The following FYTTD1 variants were observed in gnomAD, a reference collection of about 807,000 sequenced individuals.
FYTTD1 encodes the protein forty-two-three domain containing 1, also known as UAP56-interacting factor.
FYTTD1 carries 22 observed loss-of-function variants against 40.9 expected under a neutral mutation model. The ratio of observed to expected loss-of-function variants is 0.54; its 90% confidence interval spans 0.38 to 0.77. FYTTD1 has a LOEUF of 0.77. Ranked by LOEUF, FYTTD1 falls within the 30% of genes least tolerant of loss-of-function variation. The pLI is 0.00. For missense variants in FYTTD1, 351 were observed against 392.2 expected (o/e 0.90, Z 0.89); for synonymous variants, 140 against 137.9 (o/e 1.01, Z -0.10).
At chr3:197,754,090 T>G (rs1200325250) in intron 1 of FYTTD1, among the ~76,000 whole-genome samples, 2 of 152,144 alleles carry the variant, frequency 1.3e-5, no homozygotes, top group Non-Finnish European at 2.9e-5. Context: ...GTACTTTGCC[T>G]CTTTTTTTTA....
chr3:197,755,651 T>TA (rs1729192389), intron 1 of FYTTD1: 1 of 266,124 alleles, frequency 3.8e-6, no homozygotes. Flanking sequence ...TTTATTTATT[T>TA]ATTTATTTGT....
chr3:197,783,121 CCT>C lies in FYTTD1; in HGVS notation c.*1215_*1216del, dbSNP rs1730071534. The C allele has an allele frequency of 6.6e-6, 1 of 152,608 alleles. No homozygotes were observed. Among genetic ancestry groups the C allele is most frequent in the Non-Finnish European group, 1.5e-5 (1 of 68,046 alleles). 9.5% of individuals were successfully genotyped at this position (152,608 alleles called of 1,614,324 possible). On this transcript the variant is annotated 3_prime_UTR_variant, in exon 9 of 9. Coordinates refer to ENST00000241502, the MANE Select transcript of FYTTD1 (RefSeq NM_032288.7). ...CTCCCCACCGACCCGCCACCTGCCA[CCT>C]CTGACGGAGTGGGAGAAGTTAGTCT... is the stretch of plus-strand genomic sequence containing the variant.
At chr3:197,754,689 C>T (rs1429852438) in intron 1 of FYTTD1, among the ~76,000 whole-genome samples, 1 of 127,048 alleles carries the variant, frequency 7.9e-6, no homozygotes, top group Non-Finnish European at 1.6e-5. Context: ...TTTTGAAAGA[C>T]AGTCTTGCTC....
At position 197,776,242 on chromosome 3, in the gene FYTTD1, GT is replaced by G. The variant is rs568131464; in HGVS notation, c.657-683del. Among the ~76,000 whole-genome samples the G allele has an allele frequency of 5.0e-4, 71 of 142,296 alleles. No individual in the cohort carries two copies. In the South Asian group the frequency reaches 0.016, roughly 31 times the overall value. 93.4% of individuals were successfully genotyped at this position (142,296 alleles called of 152,430 possible). A position where few individuals can be genotyped will look rare whatever the true frequency, so the allele number is the denominator to read the frequency against. On this transcript the variant is annotated intron_variant, in intron 6 of 8. Coordinates refer to ENST00000241502, the MANE Select transcript of FYTTD1 (RefSeq NM_032288.7). ...TTTTTTTGAGATGGAGTCTCGCTCT[GT>G]TGCCCAGGCTGGAGCGCAGTGGCAC...
At chr3:197,759,378 C>T (rs148741089) in intron 2 of FYTTD1, among the ~76,000 whole-genome samples, 24 of 151,328 alleles carry the variant, frequency 1.6e-4, no homozygotes, top group African/African-American at 5.8e-4. Flanking sequence ...ATAGAGTGTT[C>T]TTCAGTGGTA....
intron 2 of FYTTD1, among the ~76,000 whole-genome samples, chr3:197,758,424 A>G (rs1372930006): frequency 6.6e-6 from 1 of 152,234 alleles, no homozygotes; most frequent in East Asian, 1.9e-4. Flanking sequence ...GTGGTCTTCT[A>G]CTTCAAGGAA....
At position 197,779,915 on chromosome 3, in the gene FYTTD1, C is replaced by T. The variant is rs1393151821; in HGVS notation, c.858+1451C>T. Among the ~76,000 whole-genome samples, 11 of 145,462 alleles carry T rather than the reference C, an allele frequency of 7.6e-5. No individual in the cohort carries two copies. In the East Asian group the frequency reaches 2.3e-3, roughly 30 times the overall value. On this transcript the variant is annotated intron_variant, in intron 8 of 8. Coordinates refer to ENST00000241502, the MANE Select transcript of FYTTD1 (RefSeq NM_032288.7). ...GGGATACAGGCACACACCACCACAC[C>T]TGGGGATGCAGGCACACACACCACA... is the stretch of plus-strand genomic sequence containing the variant.
At position 197,781,954 on chromosome 3, in the gene FYTTD1, A is replaced by G; in HGVS notation, c.*45A>G. The G allele has an allele frequency of 8.3e-7, 1 of 1,208,358 alleles. No homozygotes were observed. The highest frequency in any genetic ancestry group is 1.2e-6 in the Non-Finnish European group (1 of 848,442). 74.9% of individuals were successfully genotyped at this position (1,208,358 alleles called of 1,614,324 possible). A position where few individuals can be genotyped will look rare whatever the true frequency, so the allele number is the denominator to read the frequency against. ...TTTGAGTGATGACTCTGAGAAGTTG[A>G]ATTGCTTGAAGAGTTCATCACGGAA... On this transcript the variant is annotated 3_prime_UTR_variant, in exon 9 of 9. Transcript: ENST00000241502.
chr3:197,775,759 G>A (rs1364018611), intron 6 of FYTTD1, among the ~76,000 whole-genome samples: 1 of 152,176 alleles, frequency 6.6e-6, no homozygotes, highest in African/African-American at 2.4e-5. Context: ...TAGCACAGGG[G>A]TCATGACATT....
At chr3:197,766,599 C>T (rs1447424540) in intron 2 of FYTTD1, among the ~76,000 whole-genome samples, 1 of 151,870 alleles carries the variant, frequency 6.6e-6, no homozygotes, top group African/African-American at 2.4e-5. Flanking sequence ...CGCGCCACTG[C>T]ACCTGGCTAA....
chr3:197,766,102 G>C (rs1414771314), intron 2 of FYTTD1, among the ~76,000 whole-genome samples: 2 of 151,456 alleles, frequency 1.3e-5, no homozygotes, highest in African/African-American at 4.9e-5. Context: ...GGTGGAGGTT[G>C]CAGTGAGCTG....
upstream of FYTTD1, chr3:197,749,651 G>A (rs1580435883): frequency 1.2e-6 from 1 of 853,478 alleles, no homozygotes; most frequent in Non-Finnish European, 1.8e-6. Context: ...AGATTCAGAG[G>A]TGCCCGCGGT....
At position 197,765,100 on chromosome 3, in the gene FYTTD1, G is replaced by A. The variant is rs550761453; in HGVS notation, c.236-3339G>A. ...ACTCCTGACCTCAAATGATCCACCC[G>A]CCTCAGCCTCACTAAATGTTGGAAT... is the stretch of plus-strand genomic sequence containing the variant. On this transcript the variant is annotated intron_variant, in intron 2 of 8. Coordinates refer to ENST00000241502, the MANE Select transcript of FYTTD1 (RefSeq NM_032288.7). 3.9e-5 allele frequency among the ~76,000 whole-genome samples: 6 copies of A among 152,176 alleles called. No individual in the cohort carries two copies. The East Asian group carries it at 7.7e-4, about 20-fold the overall frequency.
chr3:197,755,104 A>T (rs1200281978), intron 1 of FYTTD1, among the ~76,000 whole-genome samples: 1 of 152,204 alleles, frequency 6.6e-6, no homozygotes, highest in African/African-American at 2.4e-5. Context: ...GTTTGGAAGT[A>T]TGTTTGGAAG....
chr3:197,749,946 C>G lies in FYTTD1; in HGVS notation c.-26C>G. On this transcript the variant is annotated 5_prime_UTR_variant, in exon 1 of 9. Coordinates refer to ENST00000241502, the MANE Select transcript of FYTTD1 (RefSeq NM_032288.7). ...CCTGCGACTCCGGCCTTGTCCGCGCCCGCTCTCGGCGCGACGTCTCCAGCC... is the reference window on the plus strand; with the variant it reads ...CCTGCGACTCCGGCCTTGTCCGCGCGCGCTCTCGGCGCGACGTCTCCAGCC... The G allele has an allele frequency of 1.3e-6, 2 of 1,517,374 alleles. No individual in the cohort carries two copies. The highest frequency in any genetic ancestry group is 1.8e-6 in the Non-Finnish European group (2 of 1,120,520). The allele number at this position is 1,517,374 out of a possible 1,614,324, so 94.0% of individuals were successfully genotyped here. A position where few individuals can be genotyped will look rare whatever the true frequency, so the allele number is the denominator to read the frequency against.
intron 2 of FYTTD1, among the ~76,000 whole-genome samples, chr3:197,759,630 T>G (rs1729312647): frequency 6.6e-6 from 1 of 151,676 alleles, no homozygotes; most frequent in African/African-American, 2.4e-5. Context: ...GAGTTGTTCT[T>G]CAGTGGTAGA....
intron 2 of FYTTD1, among the ~76,000 whole-genome samples, chr3:197,767,441 A>ATATT (rs1553909223): frequency 6.9e-6 from 1 of 145,084 alleles, no homozygotes; most frequent in African/African-American, 2.5e-5. Flanking sequence ...CCTGGCTGCT[A>ATATT]TTTTTTTTTT....
At chr3:197,764,251 G>C (rs570038101) in intron 2 of FYTTD1, among the ~76,000 whole-genome samples, 2 of 152,342 alleles carry the variant, frequency 1.3e-5, no homozygotes, top group East Asian at 3.9e-4. Flanking sequence ...CAGAGCATAA[G>C]AGGGAAGGGG....
At chr3:197,761,966 G>C (rs1282898680) in intron 2 of FYTTD1, among the ~76,000 whole-genome samples, 2 of 152,198 alleles carry the variant, frequency 1.3e-5, no homozygotes, top group Non-Finnish European at 2.9e-5. Flanking sequence ...TCTGGTGAGA[G>C]TTCTCTTCCA....
Sources: gnomAD v4.1 joint callset for allele counts (sites outside exome capture counted in the v4.1 genomes callset) on GRCh38, gnomAD v4.1.1 for gene constraint, MANE v1.5 for transcripts, NCBI Gene and HGNC (gene_info 2026-07-23, HGNC 2026-07-21) for gene names.